Variants in ESRRG observed in about 807,000 individuals in gnomAD.
The protein encoded by ESRRG is estrogen-related receptor gamma.
In ESRRG, 13 loss-of-function variants were observed where a neutral mutation model predicts 44.0. The ratio of observed to expected loss-of-function variants is 0.30; its 90% CI spans 0.19 to 0.47. The LOEUF (loss-of-function observed/expected upper bound fraction) is 0.47, where lower values mean the gene tolerates loss of function less well. Ranked by LOEUF, ESRRG falls within the 20% of genes least tolerant of loss-of-function variation. The pLI, the probability that ESRRG is intolerant of heterozygous loss-of-function variation, is 1.00. For missense variants in ESRRG, 395 were observed against 580.6 expected, an observed-to-expected ratio of 0.68 and a Z score of 3.29; for synonymous variants, 215 against 214.6, an observed-to-expected ratio of 1.00 and a Z score of -0.02.
chr1:216,968,307 C>T (rs116153011), intron 1 of ESRRG, among the ~76,000 whole-genome samples: 301 of 152,190 alleles, frequency 2.0e-3, no homozygotes, highest in African/African-American at 6.8e-3. Context: ...CATTGGCATA[C>T]CCAAAGTCAT....
At chr1:216,644,338 A>T (rs2150954275) in intron 3 of ESRRG, among the ~76,000 whole-genome samples, 1 of 151,788 alleles carries the variant, frequency 6.6e-6, no homozygotes, top group South Asian at 2.1e-4. Context: ...TACTGTGTGT[A>T]TTTTCTAGAC....
chr1:216,940,115 G>T (rs751047981), intron 1 of ESRRG, among the ~76,000 whole-genome samples: 1 of 152,090 alleles, frequency 6.6e-6, no homozygotes. Flanking sequence ...TTCTCCAAAC[G>T]TGAAGGCTTT....
At chr1:216,711,680 A>G (rs2083628660) in intron 1 of ESRRG, among the ~76,000 whole-genome samples, 1 of 152,218 alleles carries the variant, frequency 6.6e-6, no homozygotes, top group Non-Finnish European at 1.5e-5. Flanking sequence ...AGTGTGTACA[A>G]TACTTTATAC....
intron 1 of ESRRG, among the ~76,000 whole-genome samples, chr1:216,982,838 A>G (rs1037191293): frequency 1.3e-5 from 2 of 152,244 alleles, no homozygotes; most frequent in Admixed American, 6.5e-5. Context: ...AAAAGGTGAC[A>G]TCACAGACAC....
At chr1:216,757,904 T>A (rs913309074) in intron 2 of ESRRG, among the ~76,000 whole-genome samples, 3 of 152,060 alleles carry the variant, frequency 2.0e-5, no homozygotes, top group Admixed American at 6.6e-5. Flanking sequence ...TAATAGATAG[T>A]ACTCTTTAAT....
At chr1:216,965,470 T>TA (rs2070115327) in intron 1 of ESRRG, among the ~76,000 whole-genome samples, 1 of 152,182 alleles carries the variant, frequency 6.6e-6, no homozygotes, top group South Asian at 2.1e-4. Flanking sequence ...TATCCAGTAC[T>TA]ACAAACCAGG....
At chr1:216,650,551 T>C (rs2068686974) in intron 3 of ESRRG, among the ~76,000 whole-genome samples, 2 of 151,980 alleles carry the variant, frequency 1.3e-5, no homozygotes, top group African/African-American at 4.8e-5. Context: ...GAAAATAAAG[T>C]CTAAAAGATA....
intron 1 of ESRRG, among the ~76,000 whole-genome samples, chr1:216,712,907 G>C (rs1260941781): frequency 1.3e-5 from 2 of 152,094 alleles, no homozygotes; most frequent in African/African-American, 4.8e-5. Flanking sequence ...TTGCAAAAAC[G>C]AACTTTCCAA....
intron 2 of ESRRG, among the ~76,000 whole-genome samples, chr1:216,801,599 A>G (rs2094621582): frequency 6.6e-6 from 1 of 152,012 alleles, no homozygotes; most frequent in South Asian, 2.1e-4. Flanking sequence ...CTTCGCCAAC[A>G]TTTCTTATCT....
intron 5 of ESRRG, among the ~76,000 whole-genome samples, chr1:216,531,657 C>A (rs1484353365): frequency 1.3e-5 from 2 of 152,066 alleles, no homozygotes. Flanking sequence ...TAAAAGGCTG[C>A]CGGTGGTATA....
At chr1:216,795,613 T>C (rs1183732976) in intron 2 of ESRRG, among the ~76,000 whole-genome samples, 1 of 152,050 alleles carries the variant, frequency 6.6e-6, no homozygotes, top group Non-Finnish European at 1.5e-5. Context: ...AGTGCTGGGA[T>C]TACAGGTGCA....
chr1:217,118,168 A>G (rs957869197), intron 1 of ESRRG, among the ~76,000 whole-genome samples: 1 of 152,228 alleles, frequency 6.6e-6, no homozygotes, highest in African/African-American at 2.4e-5. Context: ...AAACTCAGAA[A>G]CCATGAGTAA....
At chr1:216,917,092 T>C (rs1321492739) in intron 2 of ESRRG, among the ~76,000 whole-genome samples, 1 of 150,820 alleles carries the variant, frequency 6.6e-6, no homozygotes, top group Non-Finnish European at 1.5e-5. Context: ...TCAGGGTCTC[T>C]CCCTCTTCCT....
chr1:216,952,215 G>A (rs1482102383), intron 1 of ESRRG, among the ~76,000 whole-genome samples: 5 of 152,142 alleles, frequency 3.3e-5, no homozygotes, highest in African/African-American at 4.8e-5. Flanking sequence ...TCTCAAACCT[G>A]TGACTGCTCT....
intron 3 of ESRRG, among the ~76,000 whole-genome samples, chr1:216,580,320 T>C (rs907719123): frequency 2.0e-5 from 3 of 152,202 alleles, no homozygotes; most frequent in Admixed American, 2.0e-4. Context: ...TGGCGTGTTT[T>C]CTTAATGCAC....
At chr1:217,008,862 G>A (rs1013155644) in intron 1 of ESRRG, among the ~76,000 whole-genome samples, 2 of 152,194 alleles carry the variant, frequency 1.3e-5, no homozygotes, top group Non-Finnish European at 2.9e-5. Context: ...CTAAATGAAC[G>A]TCTTCCCACC....
chr1:216,940,469 C>T (rs1274024190), intron 1 of ESRRG, among the ~76,000 whole-genome samples: 1 of 152,150 alleles, frequency 6.6e-6, no homozygotes, highest in Non-Finnish European at 1.5e-5. Flanking sequence ...ACTTGCAGCT[C>T]AGGGGGTGAG....
At chr1:216,612,203 C>T (rs1057501912) in intron 3 of ESRRG, among the ~76,000 whole-genome samples, 1 of 152,124 alleles carries the variant, frequency 6.6e-6, no homozygotes. Flanking sequence ...TCAAAAGATA[C>T]TCTGTAGGTA....
chr1:216,910,211 AAC>A (rs568786905), intron 2 of ESRRG, among the ~76,000 whole-genome samples: 57 of 150,688 alleles, frequency 3.8e-4, no homozygotes, highest in Non-Finnish European at 6.7e-4. Context: ...GTTTGGCTGA[AAC>A]ACACACACAC....
Sources: gnomAD v4.1 joint callset for allele counts (sites outside exome capture counted in the v4.1 genomes callset) on GRCh38, gnomAD v4.1.1 for gene constraint, MANE v1.5 for transcripts, NCBI Gene and HGNC (gene_info 2026-07-23, HGNC 2026-07-21) for gene names.